Variants in NR1D1 observed in about 807,000 individuals in gnomAD.
The protein encoded by NR1D1 is Rev-ErbAalpha.
Under a neutral mutation model 51.1 loss-of-function variants are expected in NR1D1, and 17 were observed. The observed-to-expected ratio is 0.33, with a 90% CI of 0.23 to 0.50. NR1D1 has a LOEUF of 0.50. NR1D1 is among the 20% of genes least tolerant of loss of function. The pLI, the probability that NR1D1 is intolerant of heterozygous loss-of-function variation, is 0.98. For synonymous variants in NR1D1, 341 were observed against 333.4 expected (o/e 1.02, Z -0.25); for missense variants, 647 against 830.4 (o/e 0.78, Z 2.71).
chr17:40,096,724 G>A lies in NR1D1; in HGVS notation c.426C>T (p.Phe142=). ...CCTCGCAGGCGTGCACACCGTAGTGGAAGCCCGAGGCAACGTCCCCACACA... is the reference window on the plus strand; with the variant it reads ...CCTCGCAGGCGTGCACACCGTAGTGAAAGCCCGAGGCAACGTCCCCACACA... ...CKVCGDVASG[F]HYGVHACEGC... is the part of the protein sequence containing the mutation. The change falls in exon 3 of 8, where the codon TTC becomes TTT. Residue 142 remains phenylalanine, a synonymous_variant. Coordinates refer to ENST00000246672, the MANE Select transcript of NR1D1 (RefSeq NM_021724.5). 6.2e-7 allele frequency: 1 copy of A among 1,614,214 alleles called. No individual in the cohort carries two copies.
At chr17:40,096,211 C>G in intron 4 of NR1D1, 124 bp from the exon 5 acceptor site, 7 of 1,401,542 alleles carry the variant, frequency 5.0e-6, no homozygotes, top group Non-Finnish European at 6.7e-6. Flanking sequence ...CTAAAACCAG[C>G]AAGTCCCCAC....
chr17:40,094,207 C>T (rs988423931), intron 6 of NR1D1, 85 bp from the exon 7 acceptor site: 21 of 1,235,614 alleles, frequency 1.7e-5, no homozygotes, highest in Non-Finnish European at 2.0e-5. Context: ...GAGGGTTTAG[C>T]GGTGCTGCCT....
At position 40,094,084 on chromosome 17, in the gene NR1D1, C is replaced by T. The variant is rs550329259; in HGVS notation, c.1473G>A (p.Lys491=). 3 of 1,613,996 alleles carry T rather than the reference C, an allele frequency of 1.9e-6. No individual in the cohort carries two copies. In the Admixed American group the frequency reaches 5.0e-5, roughly 27 times the overall value. The change falls in exon 7 of 8, where the codon AAG becomes AAA. Residue 491 remains lysine (K), a synonymous_variant. Coordinates refer to ENST00000246672, the MANE Select transcript of NR1D1 (RefSeq NM_021724.5). Reference sequence around the variant, plus strand: ...GGCTTAGGAACATCACTGTCTGGTCCTTCACGTTGAACAACGAAGCAAAGC... The same window carrying T: ...GGCTTAGGAACATCACTGTCTGGTCTTTCACGTTGAACAACGAAGCAAAGC... ...MVRFASLFNV[K]DQTVMFLSRT... is the part of the protein sequence containing the mutation.
Position 40,093,575 on chromosome 17 carries a change from G to C in NR1D1, c.1646-293C>G. On this transcript the variant is annotated intron_variant, in intron 7 of 7. Coordinates refer to ENST00000246672, the MANE Select transcript of NR1D1 (RefSeq NM_021724.5). This position sits in a 1 kb window ranked among gnomAD's most constrained non-coding sequence, Gnocchi z 5.9. ...AGACTCCCTTGCTTTTTGCTGTGTA[G>C]TTCCCTCTGCCTGGGATGCCCTTCC... is the stretch of plus-strand genomic sequence containing the variant. 1.1e-6 allele frequency: 1 copy of C among 901,664 alleles called. No homozygotes were observed. The highest frequency in any genetic ancestry group is 1.8e-5 in the South Asian group (1 of 55,300). 55.9% of individuals were successfully genotyped at this position (901,664 alleles called of 1,614,324 possible).
In NR1D1 at chr17:40,100,123, A is replaced by G. The variant is rs1238248475; in HGVS notation, c.-29T>C. 3 of 1,595,010 alleles carry G rather than the reference A, an allele frequency of 1.9e-6. No individual in the cohort carries two copies. The highest frequency in any genetic ancestry group is 3.3e-5 in the Admixed American group (2 of 59,972). On this transcript the variant is annotated 5_prime_UTR_variant, in exon 1 of 8. Coordinates refer to ENST00000246672, the MANE Select transcript of NR1D1 (RefSeq NM_021724.5). ...TTCACCAGCTGAGAGCGGTCATTCA[A>G]ACTGGACCTTGACTCAAACTAGAGG... is the stretch of plus-strand genomic sequence containing the variant.
At chr17:40,094,723 C>T (rs1162011018) in intron 6 of NR1D1, among the ~76,000 whole-genome samples, 2 of 152,182 alleles carry the variant, frequency 1.3e-5, no homozygotes, top group African/African-American at 4.8e-5. Flanking sequence ...CATGGCGAAA[C>T]CCTGTCTCTA....
Position 40,100,202 on chromosome 17 carries a change from C to A in NR1D1, c.-108G>T. ...ACTGGCTAAGGGCGGGGAGTGGACC[C>A]CGCGACTCACGATCAGGATCCGAAG... On this transcript the variant is annotated 5_prime_UTR_variant, in exon 1 of 8. Transcript: ENST00000246672. The A allele has an allele frequency of 1.2e-6, 1 of 846,236 alleles. No homozygotes were observed. 52.4% of individuals were successfully genotyped at this position (846,236 alleles called of 1,614,324 possible). A position where few individuals can be genotyped will look rare whatever the true frequency, so the allele number is the denominator to read the frequency against.
rs754317745 is a variant in NR1D1, at chr17:40,093,895, G to GCGAGAGC, written c.1645+10_1645+16dup. The GCGAGAGC allele has an allele frequency of 1.2e-6, 2 of 1,607,574 alleles. No individual in the cohort carries two copies. The highest frequency in any genetic ancestry group is 2.2e-5 in the East Asian group (1 of 44,846). Reference sequence around the variant, plus strand: ...GCGTCTGCCTCCTCCCCCGGGTCAGGCGAGAGCCTGACCTACCTGCAGAGA... The same window carrying GCGAGAGC: ...GCGTCTGCCTCCTCCCCCGGGTCAGGCGAGAGCCGAGAGCCTGACCTACCTGCAGAGA... On this transcript the variant is annotated intron_variant, in intron 7 of 7. Transcript: ENST00000246672. The surrounding 1 kb of genome is among the most constrained non-coding windows in gnomAD (Gnocchi z 5.9).
In NR1D1 at chr17:40,094,041, G is replaced by A; in HGVS notation, c.1516C>T (p.Gln506Ter). Residue 506 changes from glutamine (Q) to a stop codon, truncating the protein, a stop_gained, in exon 7 of 8, where the codon CAG becomes TAG. Coordinates refer to ENST00000246672, the MANE Select transcript of NR1D1 (RefSeq NM_021724.5). LOFTEE classifies it high-confidence loss of function. Reference protein sequence around the residue: ...MFLSRTTYSLQELGAMGMGDL... With the variant: ...MFLSRTTYSL ...CCCATGCCCATGGCACCAAGCTCCTGCAGGCTGTAGGTGGTGCGGCTTAGG... is the reference window on the plus strand; with the variant it reads ...CCCATGCCCATGGCACCAAGCTCCTACAGGCTGTAGGTGGTGCGGCTTAGG... The A allele has an allele frequency of 6.2e-7, 1 of 1,614,046 alleles. No homozygotes were observed. Among genetic ancestry groups the A allele is most frequent in the Non-Finnish European group, 8.5e-7 (1 of 1,179,998 alleles).
Position 40,095,851 on chromosome 17 carries a change from G to C in NR1D1, c.841C>G (p.Pro281Ala). Residue 281 changes from proline (P) to alanine (A), a missense_variant, in exon 5 of 8, where the codon CCT becomes GCT. Physicochemically the swap from Pro to Ala is conservative, Grantham distance 27. This residue lies in a region of NR1D1 where 51 missense variants were observed against 75.9 expected (regional missense o/e 0.67). Transcript: ENST00000246672. ...QQLTPPRSPS[P>A]EPTVEDVISQ... ...ATCACATCCTCCACTGTGGGCTCAG[G>C]GCTTGGGGATCTGGGAGGCGTCAGC... is the stretch of plus-strand genomic sequence containing the variant. The C allele has an allele frequency of 6.2e-7, 1 of 1,614,048 alleles. No individual in the cohort carries two copies. The highest frequency in any genetic ancestry group is 1.1e-5 in the South Asian group (1 of 91,082).
intron 5 of NR1D1, 42 bp from the exon 6 acceptor site, chr17:40,095,162 C>G: frequency 6.3e-7 from 1 of 1,586,888 alleles, no homozygotes; most frequent in Middle Eastern, 2.1e-4. Context: ...GTCAGCCAGG[C>G]TGGGTCAGAT....
Position 40,096,426 on chromosome 17 carries a change from T to C in NR1D1, c.604+17A>G. On this transcript the variant is annotated intron_variant, in intron 4 of 7. Coordinates refer to ENST00000246672, the MANE Select transcript of NR1D1 (RefSeq NM_021724.5). ...TTGGGCGGAAGAAGGGGGGAGGATG[T>C]GGGGATGCTGCCTCACCGTCTCGAG... 6.2e-7 allele frequency: 1 copy of C among 1,614,044 alleles called. No homozygotes were observed. The highest frequency in any genetic ancestry group is 8.5e-7 in the Non-Finnish European group (1 of 1,179,906).
rs748242741 is a variant in NR1D1, at chr17:40,097,096, C to T, written c.339G>A (p.Val113=). The T allele has an allele frequency of 1.9e-6, 3 of 1,605,134 alleles. No individual in the cohort carries two copies. The highest frequency in any genetic ancestry group is 2.6e-6 in the Non-Finnish European group (3 of 1,175,264). Residue 113 remains valine, a synonymous_variant, in exon 2 of 8, where the codon GTG becomes GTA. Coordinates refer to ENST00000246672, the MANE Select transcript of NR1D1 (RefSeq NM_021724.5). ...TGTTGCTGGTGCTCTTGCTGGGGGA[C>T]ACTCGGCTGCTGTCCTCCATGGCCA... is the stretch of plus-strand genomic sequence containing the variant. ...LQVAMEDSSR[V]SPSKSTSNIT... is the part of the protein sequence containing the mutation.
intron 6 of NR1D1, 49 bp downstream of exon 6, chr17:40,094,884 GAA>G: frequency 1.3e-6 from 2 of 1,582,668 alleles, no homozygotes; most frequent in East Asian, 2.2e-5. Context: ...GGCGACAAGC[GAA>G]ACTCTGTCTC....
In NR1D1 at chr17:40,095,133, A is replaced by G. The variant is rs201355790; in HGVS notation, c.1249-13T>C. 1 of 1,495,576 alleles carries G rather than the reference A, an allele frequency of 6.7e-7. No homozygotes were observed. Among genetic ancestry groups the G allele is most frequent in the South Asian group, 1.2e-5 (1 of 84,558 alleles). 92.6% of individuals were successfully genotyped at this position (1,495,576 alleles called of 1,614,324 possible). The stretch of plus-strand genomic sequence containing the variant: ...TCATAGGACATGCCTGGGGGAGGAA[A>G]AGATTGAAGGAGGGGAGTGTCAGCC... On this transcript the variant is annotated splice_polypyrimidine_tract_variant and intron_variant, in intron 5 of 7. Coordinates refer to ENST00000246672, the MANE Select transcript of NR1D1 (RefSeq NM_021724.5).
chr17:40,100,210 C>G lies in NR1D1; in HGVS notation c.-116G>C, dbSNP rs1987851352. 1 of 811,582 alleles carries G rather than the reference C, an allele frequency of 1.2e-6. No individual in the cohort carries two copies. The highest frequency in any genetic ancestry group is 2.4e-5 in the East Asian group (1 of 40,924). 50.3% of individuals were successfully genotyped at this position (811,582 alleles called of 1,614,324 possible). A position where few individuals can be genotyped will look rare whatever the true frequency, so the allele number is the denominator to read the frequency against. On this transcript the variant is annotated 5_prime_UTR_variant, in exon 1 of 8. Coordinates refer to ENST00000246672, the MANE Select transcript of NR1D1 (RefSeq NM_021724.5). ...AGGGCGGGGAGTGGACCCCGCGACT[C>G]ACGATCAGGATCCGAAGCACCCTGC... is the stretch of plus-strand genomic sequence containing the variant.
rs1315411917 is a variant in NR1D1 at position 40,093,625 on chromosome 17, T to C, written c.1645+287A>G. Reference sequence around the variant, plus strand: ...CCCCTTTCTCTGCCTGGCAACATCTTACTTGTCCTTTGAGGCCCCAACTCA... The same window carrying C: ...CCCCTTTCTCTGCCTGGCAACATCTCACTTGTCCTTTGAGGCCCCAACTCA... On this transcript the variant is annotated intron_variant, in intron 7 of 7. Coordinates refer to ENST00000246672, the MANE Select transcript of NR1D1 (RefSeq NM_021724.5). This position sits in a 1 kb window ranked among gnomAD's most constrained non-coding sequence, Gnocchi z 5.9. 4 of 692,646 alleles carry C rather than the reference T, an allele frequency of 5.8e-6. No individual in the cohort carries two copies. The African/African-American group carries it at 7.2e-5, about 12-fold the overall frequency. 42.9% of individuals were successfully genotyped at this position (692,646 alleles called of 1,614,324 possible).
rs752913989 is a variant in NR1D1 at position 40,095,099 on chromosome 17, G to A, written c.1270C>T (p.Pro424Ser). ...ACCGTTCGCCCACTGCGTCCATGCG[G>A]GTACATGTTCATAGGACATGCCTGG... ...VLLACPMNMY[P>S]HGRSGRTVQE... is the part of the protein sequence containing the mutation. The change falls in exon 6 of 8, where the codon CCG becomes TCG. Residue 424 changes from proline to serine, a missense_variant. Transcript: ENST00000246672. 10 of 1,613,514 alleles carry A rather than the reference G, an allele frequency of 6.2e-6. No individual in the cohort carries two copies. Among genetic ancestry groups the A allele is most frequent in the Non-Finnish European group, 8.5e-6 (10 of 1,179,868 alleles).
intron 1 of NR1D1, among the ~76,000 whole-genome samples, chr17:40,097,918 C>A (rs1049983446): frequency 1.3e-5 from 2 of 152,192 alleles, no homozygotes; most frequent in Non-Finnish European, 2.9e-5. Flanking sequence ...ACATTCCCCC[C>A]AGTTGGGGAC....
Sources: gnomAD v4.1 joint callset for allele counts (sites outside exome capture counted in the v4.1 genomes callset) on GRCh38, gnomAD v4.1.1 for gene constraint, gnomAD v4.1.1 regional missense constraint, Gnocchi (gnomAD v3.1) non-coding constraint, MANE v1.5 for transcripts, NCBI Gene and HGNC (gene_info 2026-07-23, HGNC 2026-07-21) for gene names.